EDNRB: variants seen among roughly 807,000 people sequenced by gnomAD.
EDNRB encodes endothelin receptor type B.
Under a neutral mutation model 46.4 loss-of-function variants are expected in EDNRB, and 18 were observed. The ratio of observed to expected loss-of-function variants is 0.39; its 90% CI spans 0.27 to 0.57. EDNRB has a LOEUF of 0.57. Ranked by LOEUF, EDNRB falls within the 20% of genes least tolerant of loss-of-function variation. EDNRB has a pLI of 0.61. For synonymous variants in EDNRB, 213 were observed against 204.9 expected, an observed-to-expected ratio of 1.04 and a Z score of -0.34; for missense variants, 434 against 537.5, an observed-to-expected ratio of 0.81 and a Z score of 1.90.
intron 1 of EDNRB, among the ~76,000 whole-genome samples, chr13:77,948,828 A>G (rs76598989): frequency 0.02 from 3,010 of 152,332 alleles, 111 homozygotes; most frequent in African/African-American, 0.069. Flanking sequence ...AAGGGAAGTC[A>G]TAGTAGAAAA....
chr13:77,927,855 G>C (rs979061380), intron 1 of EDNRB, among the ~76,000 whole-genome samples: 1 of 152,192 alleles, frequency 6.6e-6, no homozygotes, highest in African/African-American at 2.4e-5. Flanking sequence ...GTGCATGAGA[G>C]GGACCTGGTG....
intron 1 of EDNRB, among the ~76,000 whole-genome samples, chr13:77,952,500 G>A (rs934367730): frequency 6.6e-6 from 1 of 152,106 alleles, no homozygotes; most frequent in East Asian, 1.9e-4. Context: ...ATGCAGCTCA[G>A]CAAGTCCCAG....
upstream of EDNRB, among the ~76,000 whole-genome samples, chr13:77,920,907 T>G (rs1880068264): frequency 6.6e-6 from 1 of 152,162 alleles, no homozygotes; most frequent in East Asian, 1.9e-4. Flanking sequence ...CTTTGTTGGG[T>G]TCATGCCTAT....
At chr13:77,953,155 G>A (rs758353231) in intron 1 of EDNRB, among the ~76,000 whole-genome samples, 2 of 151,954 alleles carry the variant, frequency 1.3e-5, no homozygotes, top group Non-Finnish European at 1.5e-5. Context: ...CCTCAGAAAG[G>A]TAGCATTTAC....
At chr13:77,917,869 G>A (rs1023952293) in intron 1 of EDNRB, among the ~76,000 whole-genome samples, 2 of 152,124 alleles carry the variant, frequency 1.3e-5, no homozygotes, top group African/African-American at 2.4e-5. Context: ...GCTTAGCAGA[G>A]GTCTACTGAA....
chr13:77,950,251 G>A (rs1241309743), intron 1 of EDNRB, among the ~76,000 whole-genome samples: 1 of 152,184 alleles, frequency 6.6e-6, no homozygotes, highest in Non-Finnish European at 1.5e-5. Context: ...AAGGGAACAT[G>A]TACTCTCACA....
chr13:77,940,721 GT>G (rs1880721805), intron 1 of EDNRB, among the ~76,000 whole-genome samples: 1 of 151,752 alleles, frequency 6.6e-6, no homozygotes, highest in African/African-American at 2.4e-5. Context: ...GTGTGTGTGT[GT>G]GTGTGTGTGT....
At chr13:77,967,069 T>C (rs1881603285) in intron 1 of EDNRB, among the ~76,000 whole-genome samples, 1 of 152,174 alleles carries the variant, frequency 6.6e-6, no homozygotes, top group South Asian at 2.1e-4. Context: ...TGGAAATCAA[T>C]CATCATGACA....
intron 1 of EDNRB, among the ~76,000 whole-genome samples, chr13:77,969,796 C>A (rs891315424): frequency 3.9e-5 from 6 of 152,132 alleles, no homozygotes; most frequent in African/African-American, 1.4e-4. Context: ...ACATGACATA[C>A]CTTGTGTTAC....
In EDNRB at chr13:77,897,582, G is replaced by A. The variant is rs1404387513; in HGVS notation, c.*618C>T. On this transcript the variant is annotated 3_prime_UTR_variant, in exon 7 of 7. Coordinates refer to ENST00000646607, the MANE Select transcript of EDNRB (RefSeq NM_001122659.3). The stretch of plus-strand genomic sequence containing the variant: ...CAGAATGCTGAGGTTTGGGCTTCTA[G>A]TGAAAGTGTAATGATTTTCAAAAAC... 1.0e-6 allele frequency: 1 copy of A among 985,390 alleles called. No individual in the cohort carries two copies. Among genetic ancestry groups the A allele is most frequent in the Non-Finnish European group, 1.2e-6 (1 of 830,008 alleles). 61.0% of individuals were successfully genotyped at this position (985,390 alleles called of 1,614,324 possible). A position where few individuals can be genotyped will look rare whatever the true frequency, so the allele number is the denominator to read the frequency against.
rs1419592530 is a variant in EDNRB at position 77,898,093 on chromosome 13, G to A, written c.*107C>T. 2 of 1,525,154 alleles carry A rather than the reference G, an allele frequency of 1.3e-6. No individual in the cohort carries two copies. Among genetic ancestry groups the A allele is most frequent in the African/African-American group, 2.8e-5 (2 of 72,206 alleles). The allele number at this position is 1,525,154 out of a possible 1,614,324, so 94.5% of individuals were successfully genotyped here. On this transcript the variant is annotated 3_prime_UTR_variant, in exon 7 of 7. Transcript: ENST00000646607. The stretch of plus-strand genomic sequence containing the variant: ...ATTACACTTAATATTTTAATAGTGT[G>A]CTGTGCAAATACATAGTTTTTTGTT...
intron 1 of EDNRB, among the ~76,000 whole-genome samples, chr13:77,957,686 A>G (rs12720130): frequency 0.033 from 4,991 of 152,292 alleles, 273 homozygotes; most frequent in African/African-American, 0.11. Context: ...TTTGTTTGCT[A>G]GTGAGTAATC....
intron 1 of EDNRB, among the ~76,000 whole-genome samples, chr13:77,963,407 G>T (rs942952713): frequency 6.6e-6 from 1 of 152,072 alleles, no homozygotes; most frequent in African/African-American, 2.4e-5. Context: ...GCATGGTACT[G>T]GTACCAAAAC....
intron 1 of EDNRB, among the ~76,000 whole-genome samples, chr13:77,940,615 G>A (rs1212700539): frequency 6.6e-6 from 1 of 152,128 alleles, no homozygotes; most frequent in African/African-American, 2.4e-5. Flanking sequence ...TCTTAGGCAT[G>A]AGAAGCATGT....
rs773618614 is a variant in EDNRB at position 77,900,506 on chromosome 13, G to A, written c.1085+15C>T. 6.2e-7 allele frequency: 1 copy of A among 1,611,998 alleles called. No individual in the cohort carries two copies. On this transcript the variant is annotated intron_variant, in intron 5 of 6. Coordinates refer to ENST00000646607, the MANE Select transcript of EDNRB (RefSeq NM_001122659.3). ...GCATTTATTTACAAAACCATTTCTA[G>A]TTTGCCTTTCTTACCTCAAAAGTTC...
intron 1 of EDNRB, among the ~76,000 whole-genome samples, chr13:77,930,681 T>C (rs1280591596): frequency 6.6e-6 from 1 of 152,230 alleles, no homozygotes; most frequent in East Asian, 1.9e-4. Context: ...TTGTAACTTA[T>C]TAACTTTTGA....
rs2137594023 is a variant in EDNRB at position 77,895,735 on chromosome 13, A to G, written c.*2465T>C. The G allele has an allele frequency of 6.6e-6, 1 of 152,152 alleles. No homozygotes were observed. The highest frequency in any genetic ancestry group is 1.9e-4 in the East Asian group (1 of 5,158). The allele number at this position is 152,152 out of a possible 1,614,324, so 9.4% of individuals were successfully genotyped here. On this transcript the variant is annotated 3_prime_UTR_variant, in exon 7 of 7. Transcript: ENST00000646607. ...AGGCAACCAAAAAATCCTCCCAGAT[A>G]TATAATTTTTTACATTGTTATATTA...
intron 1 of EDNRB, among the ~76,000 whole-genome samples, chr13:77,973,393 AG>A (rs1881794039): frequency 1.3e-5 from 2 of 152,210 alleles, no homozygotes; most frequent in Non-Finnish European, 2.9e-5. Flanking sequence ...AAGATTTTAT[AG>A]ACTCTTTTTA....
intron 1 of EDNRB, among the ~76,000 whole-genome samples, chr13:77,971,567 G>T (rs1202600119): frequency 2.0e-5 from 3 of 150,688 alleles, no homozygotes; most frequent in Non-Finnish European, 4.4e-5. Context: ...TAGCTCCAGG[G>T]CTGGGGCCAA....
Sources: gnomAD v4.1 joint callset for allele counts (sites outside exome capture counted in the v4.1 genomes callset) on GRCh38, gnomAD v4.1.1 for gene constraint, MANE v1.5 for transcripts, NCBI Gene and HGNC (gene_info 2026-07-23, HGNC 2026-07-21) for gene names.